The following PTPRM variants were observed in gnomAD, a reference collection of about 807,000 sequenced individuals.
PTPRM encodes receptor-type tyrosine-protein phosphatase mu.
In PTPRM, 47 loss-of-function variants were observed where a neutral mutation model predicts 186.7. The observed-to-expected ratio is 0.25, with a 90% confidence interval of 0.20 to 0.32. PTPRM has a LOEUF of 0.32. Ranked by LOEUF, PTPRM falls within the 10% of genes least tolerant of loss-of-function variation. PTPRM has a pLI of 1.00. For missense variants in PTPRM, 1,494 were observed against 1,865.0 expected, an observed-to-expected ratio of 0.80 and a Z score of 3.66; for synonymous variants, 668 against 674.9, an observed-to-expected ratio of 0.99 and a Z score of 0.16.
chr18:7,583,209 T>C lies in PTPRM; in HGVS notation c.73+15318T>C, dbSNP rs142558607. On this transcript the variant is annotated intron_variant, in intron 1 of 32. Transcript: ENST00000580170. Reference sequence around the variant, plus strand: ...TTCATAAATTTGCTACCATTTCTCCTGGTTTCCTAGAAATAAGGAAAAAGG... The same window carrying C: ...TTCATAAATTTGCTACCATTTCTCCCGGTTTCCTAGAAATAAGGAAAAAGG... 4.2e-4 allele frequency among the ~76,000 whole-genome samples: 64 copies of C among 152,362 alleles called. 1 individual carries two copies. The highest frequency in any genetic ancestry group is 1.5e-3 in the African/African-American group (61 of 41,588).
At chr18:8,322,816 G>T (rs1037604861) in intron 22 of PTPRM, among the ~76,000 whole-genome samples, 19 of 152,030 alleles carry the variant, frequency 1.2e-4, no homozygotes, top group Non-Finnish European at 8.8e-5. Flanking sequence ...GTGTTCTTTT[G>T]ATTTTTGTTT....
At chr18:8,082,889 A>G (rs1279825379) in intron 9 of PTPRM, among the ~76,000 whole-genome samples, 1 of 151,812 alleles carries the variant, frequency 6.6e-6, no homozygotes, top group Non-Finnish European at 1.5e-5. Context: ...TTCTCCTCAT[A>G]TGTTCCATTC....
intron 19 of PTPRM, among the ~76,000 whole-genome samples, chr18:8,268,770 A>T (rs1165959348): frequency 6.6e-6 from 1 of 152,100 alleles, no homozygotes. Context: ...ATGGTTCAAC[A>T]TATGCAAATC....
At chr18:7,750,372 T>G (rs1161090022) in intron 1 of PTPRM, among the ~76,000 whole-genome samples, 2 of 152,214 alleles carry the variant, frequency 1.3e-5, no homozygotes, top group South Asian at 4.1e-4. Flanking sequence ...TGAAGTACTT[T>G]GTAGAATTAA....
chr18:8,126,006 T>TTTTTTTTTTTTTTTTTTA (rs2092339393), intron 13 of PTPRM, among the ~76,000 whole-genome samples: 1 of 23,950 alleles, frequency 4.2e-5, no homozygotes, highest in African/African-American at 1.1e-4. Flanking sequence ...TATATATATA[T>TTTTTTTTTTTTTTTTTTA]ATATATATAT....
At chr18:7,655,403 C>A (rs187635052) in intron 1 of PTPRM, among the ~76,000 whole-genome samples, 3 of 152,208 alleles carry the variant, frequency 2.0e-5, no homozygotes, top group Admixed American at 6.5e-5. Flanking sequence ...ACTTACAATG[C>A]CAAATGCTGG....
intron 7 of PTPRM, among the ~76,000 whole-genome samples, chr18:7,984,602 TACAC>T (rs1555676946): frequency 7.5e-4 from 65 of 87,142 alleles, no homozygotes; most frequent in African/African-American, 2.6e-3. Flanking sequence ...TATATATATA[TACAC>T]ACACACACAC....
intron 4 of PTPRM, among the ~76,000 whole-genome samples, chr18:7,913,004 CTT>C (rs2050358111): frequency 6.6e-6 from 1 of 152,116 alleles, no homozygotes; most frequent in South Asian, 2.1e-4. Context: ...TTATTGAAGT[CTT>C]TTAAAATTTC....
At chr18:8,292,223 T>A (rs1452753525) in intron 19 of PTPRM, among the ~76,000 whole-genome samples, 2 of 152,080 alleles carry the variant, frequency 1.3e-5, no homozygotes, top group Non-Finnish European at 2.9e-5. Context: ...TAAGAGGGAG[T>A]CTAAAGTAAA....
intron 2 of PTPRM, among the ~76,000 whole-genome samples, chr18:7,830,064 C>CT (rs1384929930): frequency 6.6e-6 from 1 of 152,170 alleles, no homozygotes; most frequent in Non-Finnish European, 1.5e-5. Context: ...TCTCGTTAAC[C>CT]TAATTCAATA....
intron 1 of PTPRM, among the ~76,000 whole-genome samples, chr18:7,707,018 G>T (rs970094073): frequency 3.4e-4 from 51 of 152,124 alleles, no homozygotes; most frequent in African/African-American, 1.1e-3. Flanking sequence ...TGACATTTAA[G>T]GCAGTCATTT....
intron 4 of PTPRM, among the ~76,000 whole-genome samples, chr18:7,923,816 T>C (rs1484835194): frequency 1.3e-5 from 2 of 152,210 alleles, no homozygotes; most frequent in Non-Finnish European, 2.9e-5. Context: ...AAGATTTCTT[T>C]CTGCATCTTC....
chr18:7,658,359 T>TATATATATATATATATACATACAC (rs1491198247), intron 1 of PTPRM, among the ~76,000 whole-genome samples: 3 of 136,658 alleles, frequency 2.2e-5, no homozygotes, highest in African/African-American at 8.8e-5. Context: ...TATATATATA[T>TATATATATATATATATACATACAC]ACATACACAC....
intron 20 of PTPRM, among the ~76,000 whole-genome samples, chr18:8,304,901 C>T (rs1171015040): frequency 1.3e-5 from 2 of 149,912 alleles, no homozygotes; most frequent in Non-Finnish European, 3.0e-5. Context: ...ATAATATAAA[C>T]CTTGTGGACC....
intron 1 of PTPRM, among the ~76,000 whole-genome samples, chr18:7,607,270 G>A (rs2037554864): frequency 6.6e-6 from 1 of 152,152 alleles, no homozygotes; most frequent in South Asian, 2.1e-4. Context: ...GCTTAAGCAT[G>A]TTTATTACAG....
intron 19 of PTPRM, among the ~76,000 whole-genome samples, chr18:8,287,872 G>A (rs1363689840): frequency 1.3e-5 from 2 of 152,144 alleles, no homozygotes; most frequent in Non-Finnish European, 2.9e-5. Flanking sequence ...CTCTAAAACA[G>A]AGCAGTCCTC....
intron 31 of PTPRM, among the ~76,000 whole-genome samples, chr18:8,388,251 C>T (rs73384208): frequency 1.0e-3 from 159 of 152,274 alleles, no homozygotes; most frequent in African/African-American, 3.7e-3. Context: ...AAAGGATAAG[C>T]GAATGTCACT....
chr18:7,651,818 T>A (rs912146545), intron 1 of PTPRM, among the ~76,000 whole-genome samples: 4 of 152,124 alleles, frequency 2.6e-5, no homozygotes, highest in African/African-American at 9.7e-5. Context: ...AACCTAGGCA[T>A]TACCATTCAG....
chr18:7,936,358 G>A (rs1457730564), intron 5 of PTPRM, among the ~76,000 whole-genome samples: 1 of 152,198 alleles, frequency 6.6e-6, no homozygotes, highest in Admixed American at 6.5e-5. Flanking sequence ...TGCAGGCTTC[G>A]AAGTACCTGC....
Sources: gnomAD v4.1 joint callset for allele counts (sites outside exome capture counted in the v4.1 genomes callset) on GRCh38, gnomAD v4.1.1 for gene constraint, MANE v1.5 for transcripts, NCBI Gene and HGNC (gene_info 2026-07-23, HGNC 2026-07-21) for gene names.